The following KIDINS220 variants were observed in gnomAD, a reference collection of about 807,000 sequenced individuals.
KIDINS220 encodes kinase D-interacting substrate of 220 kDa.
In KIDINS220, 63 loss-of-function variants were observed where a neutral mutation model predicts 157.6. The ratio of observed to expected loss-of-function variants is 0.40; its 90% CI spans 0.33 to 0.49. The LOEUF (loss-of-function observed/expected upper bound fraction) is 0.49. Ranked by LOEUF, KIDINS220 falls within the 20% of genes least tolerant of loss-of-function variation. The probability of loss-of-function intolerance (pLI) is 0.66; values close to 1 mark genes in which losing one functional copy is unlikely to be tolerated. For missense variants in KIDINS220, 1,772 were observed against 2,171.2 expected, an observed-to-expected ratio of 0.82 and a Z score of 3.65; for synonymous variants, 732 against 783.6, an observed-to-expected ratio of 0.93 and a Z score of 1.10.
At chr2:8,811,295 GA>G (rs34199182) in intron 6 of KIDINS220, among the ~76,000 whole-genome samples, 3,912 of 139,562 alleles carry the variant, frequency 0.028, 132 homozygotes, top group African/African-American at 0.087. Flanking sequence ...TACAAAATGG[GA>G]AAAAAAAAAA....
rs1418178543 is a variant in KIDINS220 at position 8,788,658 on chromosome 2, A to G, written c.1776T>C (p.Ala592=). The change falls in exon 15 of 30, where the codon GCT becomes GCC. Residue 592 remains alanine (A), a synonymous_variant. Coordinates refer to ENST00000256707, the MANE Select transcript of KIDINS220 (RefSeq NM_020738.4). ...PPELPEQTTK[A]LPVRFLFTDY... ...ATGGTACAACTCACCTCACAGGTAA[A>G]GCTTTAGTAGTCTGCTCTGGCAACT... The G allele has an allele frequency of 1.2e-6, 2 of 1,612,966 alleles. No homozygotes were observed. The highest frequency in any genetic ancestry group is 1.3e-5 in the African/African-American group (1 of 74,880).
At chr2:8,752,612 C>A (rs1667517609) in intron 22 of KIDINS220, among the ~76,000 whole-genome samples, 1 of 152,104 alleles carries the variant, frequency 6.6e-6, no homozygotes, top group African/African-American at 2.4e-5. Context: ...GAAAGCAAAT[C>A]TGACTGGTTC....
intron 1 of KIDINS220, among the ~76,000 whole-genome samples, chr2:8,837,120 C>T (rs560033040): frequency 4.6e-5 from 7 of 152,220 alleles, no homozygotes; most frequent in Non-Finnish European, 8.8e-5. Context: ...GCTAAGGGGG[C>T]TCTCAAGGTG....
At chr2:8,765,879 T>C (rs1669420820) in intron 22 of KIDINS220, among the ~76,000 whole-genome samples, 3 of 152,120 alleles carry the variant, frequency 2.0e-5, no homozygotes, top group Admixed American at 2.0e-4. Context: ...CTATTAATCA[T>C]TTCATCTTTA....
intron 23 of KIDINS220, 62 bp from the exon 24 acceptor site, chr2:8,750,397 T>G: frequency 8.8e-7 from 1 of 1,140,574 alleles, no homozygotes; most frequent in Non-Finnish European, 1.2e-6. Context: ...ATCAGTCCAA[T>G]TATCACATTC....
At chr2:8,748,191 TATATTGGTCATTTCATA>T (rs1219460380) in intron 24 of KIDINS220, among the ~76,000 whole-genome samples, 191 bp from the exon 25 acceptor site, 1 of 152,194 alleles carries the variant, frequency 6.6e-6, no homozygotes, top group Non-Finnish European at 1.5e-5. Flanking sequence ...CTTACATTTT[TATATTGGTCATTTCATA>T]TAAGCTTTTT....
chr2:8,732,053 A>G, intron 29 of KIDINS220, 71 bp from the exon 30 acceptor site: 6 of 1,350,770 alleles, frequency 4.4e-6, no homozygotes, highest in Non-Finnish European at 6.0e-6. Flanking sequence ...TCAGCTTAGG[A>G]AATATATATG....
chr2:8,810,178 T>C (rs1287006604), intron 6 of KIDINS220, among the ~76,000 whole-genome samples: 8 of 152,226 alleles, frequency 5.3e-5, no homozygotes, highest in Admixed American at 5.2e-4. Context: ...CTTGACTGAC[T>C]GCTGCGCCAT....
chr2:8,824,012 G>C (rs780623484), intron 2 of KIDINS220, among the ~76,000 whole-genome samples: 1 of 151,378 alleles, frequency 6.6e-6, no homozygotes, highest in East Asian at 1.9e-4. Context: ...ATTATAATTT[G>C]TTTAAAGTCA....
At chr2:8,789,638 T>C (rs1672918161) in intron 14 of KIDINS220, among the ~76,000 whole-genome samples, 1 of 152,158 alleles carries the variant, frequency 6.6e-6, no homozygotes, top group African/African-American at 2.4e-5. Context: ...AGAGTAAGTA[T>C]AATAATATAG....
intron 27 of KIDINS220, among the ~76,000 whole-genome samples, chr2:8,734,960 A>G (rs1664662683): frequency 6.6e-6 from 1 of 152,196 alleles, no homozygotes; most frequent in Non-Finnish European, 1.5e-5. Context: ...ATTTTCCCAA[A>G]TGTCTTAGGC....
chr2:8,757,265 T>C (rs995519464), intron 22 of KIDINS220: 5 of 991,078 alleles, frequency 5.0e-6, no homozygotes, highest in African/African-American at 1.7e-5. Context: ...AAATGGAATG[T>C]GTACTTAACA....
chr2:8,798,198 A>T lies in KIDINS220; in HGVS notation c.999+4T>A. 2 of 1,558,230 alleles carry T rather than the reference A, an allele frequency of 1.3e-6. No individual in the cohort carries two copies. The highest frequency in any genetic ancestry group is 1.8e-6 in the Non-Finnish European group (2 of 1,129,590). ...TGCTAACAGAATAGAAATGCCATTT[A>T]TACCTTTGTGCATATTTCAGTGTCA... On this transcript the variant is annotated splice_donor_region_variant and intron_variant, in intron 10 of 29. Coordinates refer to ENST00000256707, the MANE Select transcript of KIDINS220 (RefSeq NM_020738.4).
chr2:8,742,415 C>T (rs1665758285), intron 26 of KIDINS220, among the ~76,000 whole-genome samples: 1 of 152,060 alleles, frequency 6.6e-6, no homozygotes, highest in African/African-American at 2.4e-5. Context: ...TCACTTTTTA[C>T]TTGGTCACTC....
intron 22 of KIDINS220, among the ~76,000 whole-genome samples, chr2:8,756,656 C>A (rs922478863): frequency 2.0e-5 from 3 of 152,142 alleles, no homozygotes; most frequent in Non-Finnish European, 4.4e-5. Flanking sequence ...AAATGATCTT[C>A]TTCCTAGGTC....
intron 17 of KIDINS220, among the ~76,000 whole-genome samples, chr2:8,781,378 G>A (rs1176194758): frequency 2.0e-5 from 3 of 151,636 alleles, no homozygotes; most frequent in Admixed American, 6.6e-5. Flanking sequence ...CAGTAAGGAC[G>A]CAGTTCAGCT....
chr2:8,763,765 G>A (rs983629910), intron 22 of KIDINS220, among the ~76,000 whole-genome samples: 9 of 152,144 alleles, frequency 5.9e-5, no homozygotes, highest in Non-Finnish European at 1.2e-4. Flanking sequence ...AACCTGTCTA[G>A]AAGTAGTCAA....
chr2:8,834,570 C>T (rs76303223), intron 1 of KIDINS220, among the ~76,000 whole-genome samples: 9,040 of 151,742 alleles, frequency 0.06, 859 homozygotes, highest in African/African-American at 0.2. Context: ...TTTTGGTCTG[C>T]TTCCCCTAGC....
chr2:8,740,996 CA>C (rs1288319723), intron 26 of KIDINS220, among the ~76,000 whole-genome samples: 1 of 152,096 alleles, frequency 6.6e-6, no homozygotes, highest in Non-Finnish European at 1.5e-5. Context: ...TTAACATATT[CA>C]ATATCTGGGG....
Sources: gnomAD v4.1 joint callset for allele counts (sites outside exome capture counted in the v4.1 genomes callset) on GRCh38, gnomAD v4.1.1 for gene constraint, MANE v1.5 for transcripts, NCBI Gene and HGNC (gene_info 2026-07-23, HGNC 2026-07-21) for gene names.